The following FSIP2 variants were observed in gnomAD, a reference collection of about 807,000 sequenced individuals.
The protein encoded by FSIP2 is fibrous sheath interacting protein 2.
Under a neutral mutation model 510.5 loss-of-function variants are expected in FSIP2, and 367 were observed. That is an observed-to-expected ratio of 0.72 (90% confidence interval 0.66 to 0.78). The LOEUF (loss-of-function observed/expected upper bound fraction) is 0.78, where lower values mean the gene tolerates loss of function less well. FSIP2 is among the 30% of genes least tolerant of loss of function. FSIP2 has a pLI of 0.00. For missense variants in FSIP2, 7,594 were observed against 7,901.7 expected (o/e 0.96, Z 1.48); for synonymous variants, 2,601 against 2,732.2 (o/e 0.95, Z 1.50).
chr2:185,738,609 G>A, upstream of FSIP2: 1 of 1,535,882 alleles, frequency 6.5e-7, no homozygotes, highest in Non-Finnish European at 8.7e-7. Flanking sequence ...TGGCTAAGGC[G>A]TGATGGTTTC....
At position 185,745,501 on chromosome 2, in the gene FSIP2, G is replaced by A; in HGVS notation, c.550G>A (p.Val184Ile). 6.5e-7 allele frequency: 1 copy of A among 1,535,396 alleles called. No individual in the cohort carries two copies. The highest frequency in any genetic ancestry group is 8.7e-7 in the Non-Finnish European group (1 of 1,146,324). Residue 184 changes from valine to isoleucine, a missense_variant, in exon 5 of 23, where the codon GTC becomes ATC. Transcript: ENST00000424728. ...CCCTCAACATTGTGATGTTGCACAA[G>A]TCCAAAACTGGTTGTTAAAGGAGGG... Reference protein sequence around the residue: ...QIPQHCDVAQVQNWLLKEGTE... With the variant: ...QIPQHCDVAQIQNWLLKEGTE...
At chr2:185,755,475 A>T (rs1378060672) in intron 8 of FSIP2, among the ~76,000 whole-genome samples, 1 of 151,652 alleles carries the variant, frequency 6.6e-6, no homozygotes, top group African/African-American at 2.4e-5. Context: ...CTGTTGAAGA[A>T]GAAGTAGTAT....
chr2:185,746,179 T>A (rs1692028595), intron 5 of FSIP2, among the ~76,000 whole-genome samples: 1 of 152,150 alleles, frequency 6.6e-6, no homozygotes, highest in Non-Finnish European at 1.5e-5. Context: ...ATTGCCATAA[T>A]ACATATTGAT....
intron 19 of FSIP2, among the ~76,000 whole-genome samples, chr2:185,820,863 C>A (rs766064021): frequency 6.6e-6 from 1 of 150,592 alleles, no homozygotes; most frequent in Non-Finnish European, 1.5e-5. Context: ...AGATCTTATA[C>A]CAACAACTTA....
Position 185,789,251 on chromosome 2 carries a change from A to T in FSIP2, c.2115A>T (p.Glu705Asp). The T allele has an allele frequency of 2.0e-6, 3 of 1,534,602 alleles. No individual in the cohort carries two copies. Among genetic ancestry groups the T allele is most frequent in the Non-Finnish European group, 2.6e-6 (3 of 1,145,910 alleles). Residue 705 changes from glutamate to aspartate, a missense_variant, in exon 16 of 23, where the codon GAA becomes GAT. Coordinates refer to ENST00000424728, the MANE Select transcript of FSIP2 (RefSeq NM_173651.4). ...AATGTTACTTGAAAGGGGAAACTGA[A>T]GTGATTTTAGAAAGCATTTTGCGAG... is the stretch of plus-strand genomic sequence containing the variant. ...NFKCYLKGET[E>D]VILESILREI...
At position 185,790,392 on chromosome 2, in the gene FSIP2, T is replaced by C. The variant is rs1022028896; in HGVS notation, c.3256T>C (p.Ser1086Pro). The change falls in exon 16 of 23, where the codon TCT becomes CCT. Residue 1086 changes from serine (S) to proline (P), a missense_variant. Transcript: ENST00000424728. ...TGAAGATATTTTAAAGAAAAAACTT[T>C]CTTCGAATAAAGACATTTCAACTTT... ...NHEDILKKKLSSNKDISTFSQ... is the reference protein window; with the variant it reads ...NHEDILKKKLPSNKDISTFSQ... The C allele has an allele frequency of 7.9e-6, 12 of 1,527,622 alleles. No homozygotes were observed. The African/African-American group carries it at 1.2e-4, about 16-fold the overall frequency. 94.6% of individuals were successfully genotyped at this position (1,527,622 alleles called of 1,614,324 possible). A position where few individuals can be genotyped will look rare whatever the true frequency, so the allele number is the denominator to read the frequency against.
At position 185,801,685 on chromosome 2, in the gene FSIP2, C is replaced by A; in HGVS notation, c.12379C>A (p.Leu4127Ile). ...AAGTAACCTAACAGAATTTACTTCTCTACCCAGGTCTTCATCAGACTATAG... is the reference window on the plus strand; with the variant it reads ...AAGTAACCTAACAGAATTTACTTCTATACCCAGGTCTTCATCAGACTATAG... ...LQSNLTEFTS[L>I]PRSSSDYSTM... Residue 4127 changes from leucine (L) to isoleucine (I), a missense_variant, in exon 17 of 23, where the codon CTA becomes ATA. Physicochemically the swap from Leu to Ile is conservative, Grantham distance 5. Coordinates refer to ENST00000424728, the MANE Select transcript of FSIP2 (RefSeq NM_173651.4). The A allele has an allele frequency of 8.5e-6, 13 of 1,525,650 alleles. No individual in the cohort carries two copies. Among genetic ancestry groups the A allele is most frequent in the Non-Finnish European group, 1.1e-5 (13 of 1,142,630 alleles). 94.5% of individuals were successfully genotyped at this position (1,525,650 alleles called of 1,614,324 possible).
chr2:185,832,998 G>C, intron 22 of FSIP2, 92 bp from the exon 23 acceptor site: 1 of 1,056,854 alleles, frequency 9.5e-7, no homozygotes, highest in Non-Finnish European at 1.4e-6. Flanking sequence ...TTACCAGCTG[G>C]GCCACCTTTT....
At chr2:185,823,683 G>T (rs1693965903) in intron 19 of FSIP2, among the ~76,000 whole-genome samples, 1 of 151,546 alleles carries the variant, frequency 6.6e-6, no homozygotes. Flanking sequence ...CAGTATTGGG[G>T]GTTTCTCAAA....
chr2:185,823,014 C>T (rs759616693), intron 19 of FSIP2, among the ~76,000 whole-genome samples: 2 of 151,610 alleles, frequency 1.3e-5, no homozygotes, highest in Non-Finnish European at 3.0e-5. Flanking sequence ...AAAAAACAAA[C>T]AAAAATGAAG....
chr2:185,767,633 G>A (rs907156368), intron 13 of FSIP2, among the ~76,000 whole-genome samples: 6 of 152,056 alleles, frequency 3.9e-5, no homozygotes, highest in African/African-American at 1.4e-4. Context: ...TGTTTGAAAG[G>A]CTAAATAGTA....
chr2:185,795,000 C>A lies in FSIP2; in HGVS notation c.7864C>A (p.Pro2622Thr). The A allele has an allele frequency of 6.5e-7, 1 of 1,533,474 alleles. No individual in the cohort carries two copies. 95.0% of individuals were successfully genotyped at this position (1,533,474 alleles called of 1,614,324 possible). Reference sequence around the variant, plus strand: ...CTCTGTGATGGAAAACACTCTTTTGCCATATTTACCATTGCAAGTGAAGAA... The same window carrying A: ...CTCTGTGATGGAAAACACTCTTTTGACATATTTACCATTGCAAGTGAAGAA... ...NISVMENTLLPYLPLQVKKDL... is the reference protein window; with the variant it reads ...NISVMENTLLTYLPLQVKKDL... The change falls in exon 16 of 23, where the codon CCA (proline) becomes ACA (threonine). Residue 2622 changes from proline to threonine, a missense_variant. By Grantham distance (38) the Pro-to-Thr change is conservative. Transcript: ENST00000424728.
In FSIP2 at chr2:185,806,445, T is replaced by C. The variant is rs773221584; in HGVS notation, c.17139T>C (p.Asn5713=). ...LSYDQSPPGD[N]VLNVIQEISR... ...ATGACCAAAGCCCCCCAGGTGATAA[T>C]GTATTAAATGTAATTCAAGAGATTA... is the stretch of plus-strand genomic sequence containing the variant. The change falls in exon 17 of 23, where the codon AAT becomes AAC. Residue 5713 remains asparagine (N), a synonymous_variant. Transcript: ENST00000424728. The C allele has an allele frequency of 6.2e-7, 1 of 1,611,944 alleles. No homozygotes were observed. The highest frequency in any genetic ancestry group is 1.7e-5 in the Admixed American group (1 of 59,824).
At chr2:185,760,526 A>G (rs1417030471) in intron 9 of FSIP2, among the ~76,000 whole-genome samples, 1 of 148,196 alleles carries the variant, frequency 6.7e-6, no homozygotes, top group Non-Finnish European at 1.5e-5. Flanking sequence ...AATATAAACA[A>G]GTAAACTAAA....
At position 185,789,805 on chromosome 2, in the gene FSIP2, A is replaced by G; in HGVS notation, c.2669A>G (p.Asn890Ser). 6.5e-7 allele frequency: 1 copy of G among 1,533,594 alleles called. No individual in the cohort carries two copies. The highest frequency in any genetic ancestry group is 8.7e-7 in the Non-Finnish European group (1 of 1,145,098). 95.0% of individuals were successfully genotyped at this position (1,533,594 alleles called of 1,614,324 possible). A position where few individuals can be genotyped will look rare whatever the true frequency, so the allele number is the denominator to read the frequency against. The change falls in exon 16 of 23, where the codon AAT (asparagine) becomes AGT (serine). Residue 890 changes from asparagine to serine, a missense_variant. Asn to Ser is a conservative substitution (Grantham distance 46). Transcript: ENST00000424728. The stretch of plus-strand genomic sequence containing the variant: ...TTAATTGTCAATGAAGAAGTACAAA[A>G]TTTAATATCAAATATTTTTTCCCAG... Reference protein sequence around the residue: ...ASLIVNEEVQNLISNIFSQSS... With the variant: ...ASLIVNEEVQSLISNIFSQSS...
In FSIP2 at chr2:185,794,498, G is replaced by A; in HGVS notation, c.7362G>A (p.Met2454Ile). 1 of 1,522,426 alleles carries A rather than the reference G, an allele frequency of 6.6e-7. No individual in the cohort carries two copies. The highest frequency in any genetic ancestry group is 8.8e-7 in the Non-Finnish European group (1 of 1,142,306). The allele number at this position is 1,522,426 out of a possible 1,614,324, so 94.3% of individuals were successfully genotyped here. A position where few individuals can be genotyped will look rare whatever the true frequency, so the allele number is the denominator to read the frequency against. Residue 2454 changes from methionine to isoleucine, a missense_variant, in exon 16 of 23, where the codon ATG (methionine) becomes ATA (isoleucine). Met to Ile is a conservative substitution (Grantham distance 10). Coordinates refer to ENST00000424728, the MANE Select transcript of FSIP2 (RefSeq NM_173651.4). The stretch of plus-strand genomic sequence containing the variant: ...AGTATCCATTAGAGCAAAACCAAAT[G>A]ATATTGGAAAACAAAAGGCAGATAA... ...FTKYPLEQNQ[M>I]ILENKRQIIV...
chr2:185,753,935 G>A, intron 8 of FSIP2, 93 bp downstream of exon 8: 1 of 845,216 alleles, frequency 1.2e-6, no homozygotes, highest in Non-Finnish European at 1.7e-6. Context: ...ATTTACACTT[G>A]TTTCTCCCTT....
At chr2:185,753,421 A>T (rs1441429357) in intron 7 of FSIP2, among the ~76,000 whole-genome samples, 1 of 151,422 alleles carries the variant, frequency 6.6e-6, no homozygotes, top group Non-Finnish European at 1.5e-5. Context: ...CCAATTGAAG[A>T]TGATTAAGAA....
intron 13 of FSIP2, chr2:185,765,509 G>A (rs1382598584): frequency 1.3e-5 from 2 of 152,004 alleles, no homozygotes; most frequent in African/African-American, 4.8e-5. Context: ...CTATATCTTT[G>A]TTTTGGTACC....
Sources: gnomAD v4.1 joint callset for allele counts (sites outside exome capture counted in the v4.1 genomes callset) on GRCh38, gnomAD v4.1.1 for gene constraint, MANE v1.5 for transcripts, NCBI Gene and HGNC (gene_info 2026-07-23, HGNC 2026-07-21) for gene names.